ARB2A: variants seen among roughly 807,000 people sequenced by gnomAD.
ARB2A encodes cotranscriptional regulator ARB2A.
At chr5:93,755,601 A>ACACACAGCCC in the ARB2A span, among the ~76,000 whole-genome samples, 12 of 152,246 alleles carry the variant, frequency 7.9e-5, no homozygotes, top group Non-Finnish European at 1.0e-4. Context: ...CCACTCCCAA[A>ACACACAGCCC]CACACAGCCC....
the ARB2A span, among the ~76,000 whole-genome samples, chr5:93,817,167 A>T: frequency 6.6e-6 from 1 of 152,038 alleles, no homozygotes. Context: ...CAAGACTAAC[A>T]TATAAAAATA....
chr5:93,872,752 C>T, the ARB2A span, among the ~76,000 whole-genome samples: 33 of 151,924 alleles, frequency 2.2e-4, no homozygotes, highest in Admixed American at 2.0e-3. Context: ...CCCGTCTCTA[C>T]TAAAAATACA....
chr5:94,109,835 C>T, the ARB2A span, among the ~76,000 whole-genome samples: 1 of 151,710 alleles, frequency 6.6e-6, no homozygotes, highest in Admixed American at 6.6e-5. Flanking sequence ...AAATAGCATC[C>T]TCTATCATTC....
At chr5:93,727,734 A>T in the ARB2A span, among the ~76,000 whole-genome samples, 1 of 152,048 alleles carries the variant, frequency 6.6e-6, no homozygotes, top group Non-Finnish European at 1.5e-5. Flanking sequence ...GAAGTAAGAG[A>T]TATTCTTAAG....
At chr5:93,766,956 G>A in the ARB2A span, among the ~76,000 whole-genome samples, 4 of 149,496 alleles carry the variant, frequency 2.7e-5, no homozygotes, top group East Asian at 2.0e-4. Context: ...ACCAAACACC[G>A]CATGTTCTCA....
chr5:93,666,033 G>A, the ARB2A span, among the ~76,000 whole-genome samples: 7 of 152,128 alleles, frequency 4.6e-5, no homozygotes, highest in Non-Finnish European at 5.9e-5. Context: ...TTCTGAATGC[G>A]TGATAAAAAT....
At chr5:93,703,231 G>C in the ARB2A span, among the ~76,000 whole-genome samples, 1 of 152,124 alleles carries the variant, frequency 6.6e-6, no homozygotes, top group African/African-American at 2.4e-5. Flanking sequence ...TGCTACCATG[G>C]CAAACCTTCA....
chr5:93,698,208 G>T, the ARB2A span, among the ~76,000 whole-genome samples: 2 of 151,984 alleles, frequency 1.3e-5, no homozygotes, highest in African/African-American at 4.8e-5. Flanking sequence ...TAGTAATTTT[G>T]CTTTTGGTTA....
the ARB2A span, among the ~76,000 whole-genome samples, chr5:93,719,285 G>T: frequency 6.6e-6 from 1 of 152,182 alleles, no homozygotes; most frequent in Non-Finnish European, 1.5e-5. Context: ...AGGCTATAGG[G>T]TGCTTATTTA....
At chr5:93,967,450 G>C in the ARB2A span, among the ~76,000 whole-genome samples, 3 of 152,110 alleles carry the variant, frequency 2.0e-5, no homozygotes, top group Non-Finnish European at 4.4e-5. Context: ...CCTGAAAATG[G>C]AGAGAGACAG....
chr5:93,905,869 A>G, the ARB2A span, among the ~76,000 whole-genome samples: 1 of 151,566 alleles, frequency 6.6e-6, no homozygotes, highest in African/African-American at 2.4e-5. Context: ...CTAAGAATCC[A>G]TATCATATAT....
At chr5:93,676,543 T>C in the ARB2A span, among the ~76,000 whole-genome samples, 1 of 152,246 alleles carries the variant, frequency 6.6e-6, no homozygotes, top group Non-Finnish European at 1.5e-5. Flanking sequence ...CCTATAATCA[T>C]GATTTCTTCA....
the ARB2A span, among the ~76,000 whole-genome samples, chr5:93,661,193 A>T: frequency 6.6e-6 from 1 of 152,194 alleles, no homozygotes; most frequent in South Asian, 2.1e-4. Flanking sequence ...AACACTGATG[A>T]GCTTTATGCT....
the ARB2A span, among the ~76,000 whole-genome samples, chr5:93,874,029 C>T: frequency 6.6e-6 from 1 of 152,164 alleles, no homozygotes; most frequent in Non-Finnish European, 1.5e-5. Context: ...CCATTAGCTA[C>T]AGATCTAAAA....
chr5:93,966,218 T>A, the ARB2A span, among the ~76,000 whole-genome samples: 1 of 152,084 alleles, frequency 6.6e-6, no homozygotes. Context: ...AATATCCTAC[T>A]ATCTATGAAA....
At chr5:93,768,834 T>G in the ARB2A span, among the ~76,000 whole-genome samples, 1 of 152,068 alleles carries the variant, frequency 6.6e-6, no homozygotes, top group Non-Finnish European at 1.5e-5. Context: ...TCCTTGAGCT[T>G]TGGCCTCCCA....
chr5:94,078,207 CA>C, the ARB2A span, among the ~76,000 whole-genome samples: 1 of 152,062 alleles, frequency 6.6e-6, no homozygotes, highest in African/African-American at 2.4e-5. Context: ...GATGAAAGTA[CA>C]AAATATATCA....
the ARB2A span, among the ~76,000 whole-genome samples, chr5:93,634,766 T>C: frequency 1.3e-5 from 2 of 151,758 alleles, no homozygotes; most frequent in African/African-American, 4.8e-5. Flanking sequence ...GAGACTCTTT[T>C]CCTTTCTCAT....
the ARB2A span, among the ~76,000 whole-genome samples, chr5:93,775,442 C>T: frequency 2.6e-5 from 4 of 152,190 alleles, no homozygotes; most frequent in Admixed American, 6.5e-5. Flanking sequence ...AAAGTCAAAA[C>T]CAGAAAGCTA....
Sources: gnomAD v4.1 joint callset for allele counts (sites outside exome capture counted in the v4.1 genomes callset) on GRCh38, gnomAD v4.1.1 for gene constraint, MANE v1.5 for transcripts, NCBI Gene and HGNC (gene_info 2026-07-23, HGNC 2026-07-21) for gene names.